The following PDZD2 variants were observed in gnomAD, a reference collection of about 807,000 sequenced individuals.
PDZD2 encodes the protein PDZ domain containing 2, also known as PDZ domain-containing protein 2.
Under a neutral mutation model 220.7 loss-of-function variants are expected in PDZD2, and 90 were observed. That is an observed-to-expected ratio of 0.41 (90% CI 0.34 to 0.49). The LOEUF is 0.49. Ranked by LOEUF, PDZD2 falls within the 20% of genes least tolerant of loss-of-function variation. The probability of loss-of-function intolerance (pLI) is 0.28; values close to 1 mark genes in which losing one functional copy is unlikely to be tolerated. For missense variants in PDZD2, 3,174 were observed against 3,608.5 expected (o/e 0.88, Z 3.08); for synonymous variants, 1,375 against 1,450.5 (o/e 0.95, Z 1.18).
intron 2 of PDZD2, among the ~76,000 whole-genome samples, chr5:31,886,080 G>A (rs576350531): frequency 1.3e-5 from 2 of 152,224 alleles, no homozygotes; most frequent in South Asian, 2.1e-4. Context: ...TGTATTTTTA[G>A]TAGAGACAGG....
chr5:31,997,090 G>A (rs1008325947), intron 4 of PDZD2, among the ~76,000 whole-genome samples: 2 of 152,188 alleles, frequency 1.3e-5, no homozygotes, highest in African/African-American at 2.4e-5. Flanking sequence ...CTGCTGGGGC[G>A]TGTACGTATG....
intron 2 of PDZD2, among the ~76,000 whole-genome samples, chr5:31,890,139 T>TTTTTTA (rs1313395667): frequency 4.1e-5 from 6 of 145,448 alleles, no homozygotes; most frequent in Non-Finnish European, 9.1e-5. Flanking sequence ...TTTGTGATTT[T>TTTTTTA]TTTTTTTTTT....
intron 2 of PDZD2, among the ~76,000 whole-genome samples, chr5:31,826,219 A>G (rs1756208035): frequency 6.6e-6 from 1 of 152,020 alleles, no homozygotes; most frequent in Non-Finnish European, 1.5e-5. Flanking sequence ...GTGGGCTGCT[A>G]GGGAGTGGGA....
chr5:31,742,309 G>T (rs1750311758), intron 1 of PDZD2: 2 of 151,970 alleles, frequency 1.3e-5, no homozygotes, highest in African/African-American at 4.8e-5. Flanking sequence ...GATGTGGATG[G>T]TTTTGTTGAG....
chr5:32,053,742 C>G (rs370661889), intron 9 of PDZD2, 27 bp from the exon 10 acceptor site: 233 of 1,259,430 alleles, frequency 1.9e-4, no homozygotes, highest in Non-Finnish European at 2.2e-4. Flanking sequence ...CACTGTCAAC[C>G]TGGACTCTCA....
intron 5 of PDZD2, among the ~76,000 whole-genome samples, chr5:32,008,360 A>C (rs1379201137): frequency 6.8e-6 from 1 of 147,682 alleles, no homozygotes; most frequent in African/African-American, 2.5e-5. Flanking sequence ...AGCTGACTGC[A>C]ACTTCCGCCT....
intron 1 of PDZD2, among the ~76,000 whole-genome samples, chr5:31,766,790 G>C (rs1013165303): frequency 6.6e-6 from 1 of 151,342 alleles, no homozygotes; most frequent in Non-Finnish European, 1.5e-5. Flanking sequence ...GAGTGCAATG[G>C]CGCATCTCAG....
At chr5:32,023,157 G>A (rs1464328481) in intron 6 of PDZD2, among the ~76,000 whole-genome samples, 1 of 152,118 alleles carries the variant, frequency 6.6e-6, no homozygotes, top group Non-Finnish European at 1.5e-5. Flanking sequence ...TTTTCCTGAA[G>A]GCAGGGCTGG....
At position 32,090,910 on chromosome 5, in the gene PDZD2, T is replaced by C; in HGVS notation, c.7462T>C (p.Leu2488=). Residue 2488 remains leucine, a synonymous_variant, in exon 20 of 25, where the codon TTG becomes CTG. Coordinates refer to ENST00000438447, the MANE Select transcript of PDZD2 (RefSeq NM_178140.4). The surrounding 1 kb of genome is among the most constrained non-coding windows in gnomAD (Gnocchi z 4.3). ...CTCCAAGCTCCAGGAGCTGAGAGCC[T>C]TGAGCATGCCTGACCTTGACAAGCT... ...SRSKLQELRA[L]SMPDLDKLCS... 6.2e-7 allele frequency: 1 copy of C among 1,614,000 alleles called. No homozygotes were observed. The highest frequency in any genetic ancestry group is 8.5e-7 in the Non-Finnish European group (1 of 1,180,014).
chr5:31,852,185 C>A (rs759845269), intron 2 of PDZD2, among the ~76,000 whole-genome samples: 2 of 152,122 alleles, frequency 1.3e-5, no homozygotes, highest in African/African-American at 4.8e-5. Context: ...CCAGCACTTA[C>A]GTGCCCCAGA....
intron 14 of PDZD2, among the ~76,000 whole-genome samples, chr5:32,063,538 G>A (rs1739894705): frequency 2.0e-5 from 3 of 152,134 alleles, no homozygotes; most frequent in Admixed American, 2.0e-4. Context: ...AGGCAGGCAG[G>A]CTGCCAGGCA....
At chr5:31,793,581 C>T (rs1305504185) in intron 1 of PDZD2, among the ~76,000 whole-genome samples, 9 of 152,002 alleles carry the variant, frequency 5.9e-5, no homozygotes, top group African/African-American at 1.9e-4. Flanking sequence ...CTGAGGCGGG[C>T]GAATCACTTG....
At chr5:31,640,848 T>G (rs1744921889) in intron 1 of PDZD2, among the ~76,000 whole-genome samples, 2 of 149,312 alleles carry the variant, frequency 1.3e-5, no homozygotes, top group African/African-American at 2.5e-5. Context: ...GTTGTGTGAG[T>G]GAGTGTGTGT....
At position 32,025,591 on chromosome 5, in the gene PDZD2, C is replaced by CTTTTTTTTTTTTTTTTTTTTTTTTTTTT. The variant is rs70957998; in HGVS notation, c.1408-11639_1408-11612dup. On this transcript the variant is annotated intron_variant, in intron 6 of 24. Coordinates refer to ENST00000438447, the MANE Select transcript of PDZD2 (RefSeq NM_178140.4). ...AGTGAGCCCAAATGTAACCATGATG[C>CTTTTTTTTTTTTTTTTTTTTTTTTTTTT]TTTTTTTTTTTTTTTTTTTTTTTTT... Among the ~76,000 whole-genome samples, 16 of 67,518 alleles carry CTTTTTTTTTTTTTTTTTTTTTTTTTTTT rather than the reference C, an allele frequency of 2.4e-4. 2 individuals are homozygous for CTTTTTTTTTTTTTTTTTTTTTTTTTTTT. Among genetic ancestry groups the CTTTTTTTTTTTTTTTTTTTTTTTTTTTT allele is most frequent in the Admixed American group, 4.4e-4 (2 of 4,534 alleles). The allele number at this position is 67,518 out of a possible 152,430, so 44.3% of individuals were successfully genotyped here.
intron 3 of PDZD2, among the ~76,000 whole-genome samples, chr5:31,988,417 C>T (rs1461611649): frequency 7.4e-6 from 1 of 135,090 alleles, no homozygotes; most frequent in East Asian, 2.2e-4. Flanking sequence ...AGCACAGGAG[C>T]TTCTGTCCTT....
At position 32,110,078 on chromosome 5, in the gene PDZD2, GTT is replaced by G. The variant is rs1408141541; in HGVS notation, c.*1946_*1947del. 2 of 152,606 alleles carry G rather than the reference GTT, an allele frequency of 1.3e-5. No homozygotes were observed. The allele number at this position is 152,606 out of a possible 1,614,324, so 9.5% of individuals were successfully genotyped here. A position where few individuals can be genotyped will look rare whatever the true frequency, so the allele number is the denominator to read the frequency against. ...GATTGTTTTTCAGTCTCTGGGGTCA[GTT>G]TTGTGGTTTCTGCTTTCTTGCCTAA... On this transcript the variant is annotated 3_prime_UTR_variant, in exon 25 of 25. Transcript: ENST00000438447.
chr5:31,683,455 A>T (rs1746731346), intron 1 of PDZD2, among the ~76,000 whole-genome samples: 2 of 152,164 alleles, frequency 1.3e-5, no homozygotes, highest in African/African-American at 4.8e-5. Context: ...GGTTTTTTTA[A>T]ATGGAAAATA....
chr5:31,659,940 A>T (rs529421321), intron 1 of PDZD2, among the ~76,000 whole-genome samples: 1 of 152,336 alleles, frequency 6.6e-6, no homozygotes, highest in South Asian at 2.1e-4. Context: ...CTTTGTCGAC[A>T]TCATTTCATT....
chr5:32,013,104 T>C (rs1402292671), intron 6 of PDZD2, among the ~76,000 whole-genome samples: 2 of 152,132 alleles, frequency 1.3e-5, no homozygotes, highest in Non-Finnish European at 2.9e-5. Context: ...TGACCTTATA[T>C]TAACATGCTT....
Sources: gnomAD v4.1 joint callset for allele counts (sites outside exome capture counted in the v4.1 genomes callset) on GRCh38, gnomAD v4.1.1 for gene constraint, Gnocchi (gnomAD v3.1) non-coding constraint, MANE v1.5 for transcripts, NCBI Gene and HGNC (gene_info 2026-07-23, HGNC 2026-07-21) for gene names.